The following LDLRAD4 variants were observed in gnomAD, a reference collection of about 807,000 sequenced individuals.
LDLRAD4 encodes low density lipoprotein receptor class A domain containing 4, also known as low-density lipoprotein receptor class A domain-containing protein 4.
Under a neutral mutation model 17.0 loss-of-function variants are expected in LDLRAD4, and 5 were observed. The ratio of observed to expected loss-of-function variants is 0.29; its 90% CI spans 0.15 to 0.62. The LOEUF (loss-of-function observed/expected upper bound fraction) is 0.62. Ranked by LOEUF, LDLRAD4 falls within the 20% of genes least tolerant of loss-of-function variation. The pLI is 0.84. For synonymous variants in LDLRAD4, 168 were observed against 171.8 expected (o/e 0.98, Z 0.17); for missense variants, 340 against 424.7 (o/e 0.80, Z 1.75).
At chr18:13,503,984 T>A (rs1324352949) in intron 3 of LDLRAD4, among the ~76,000 whole-genome samples, 1 of 152,178 alleles carries the variant, frequency 6.6e-6, no homozygotes, top group Admixed American at 6.5e-5. Context: ...GCCAGGCGCT[T>A]TGTAGAAATG....
At chr18:13,460,843 CAAAATA>C (rs2092390954) in intron 3 of LDLRAD4, among the ~76,000 whole-genome samples, 1 of 152,098 alleles carries the variant, frequency 6.6e-6, no homozygotes, top group African/African-American at 2.4e-5. Context: ...TGCTGAAGAG[CAAAATA>C]AAAATAAAAT....
chr18:13,414,254 A>C (rs1317703411), intron 2 of LDLRAD4, among the ~76,000 whole-genome samples: 1 of 152,196 alleles, frequency 6.6e-6, no homozygotes, highest in Non-Finnish European at 1.5e-5. Flanking sequence ...CTCCATCCCC[A>C]CCATTGCTTG....
intron 3 of LDLRAD4, among the ~76,000 whole-genome samples, chr18:13,533,387 G>A (rs138498420): frequency 6.6e-6 from 1 of 152,314 alleles, no homozygotes; most frequent in East Asian, 1.9e-4. Context: ...GCAATGAGCA[G>A]ATCTTTGGAC....
At chr18:13,231,420 C>T (rs138558091) in intron 1 of LDLRAD4, among the ~76,000 whole-genome samples, 111 of 152,268 alleles carry the variant, frequency 7.3e-4, no homozygotes, top group African/African-American at 2.6e-3. Flanking sequence ...CTGATTGCGG[C>T]CTGCCCGAGA....
chr18:13,645,944 C>T lies in LDLRAD4; in HGVS notation c.*287C>T, dbSNP rs77594431. The T allele has an allele frequency of 0.015, 4,424 of 298,534 alleles. 44 individuals carry two copies. Among genetic ancestry groups the T allele is most frequent in the Middle Eastern group, 0.028 (30 of 1,072 alleles). The allele number at this position is 298,534 out of a possible 1,614,324, so 18.5% of individuals were successfully genotyped here. ...CAGAGAACGGGATGCTTTGAAGATA[C>T]CATGAAATAAAACCCACAGAGGTAT... is the stretch of plus-strand genomic sequence containing the variant. On this transcript the variant is annotated 3_prime_UTR_variant, in exon 6 of 6. Transcript: ENST00000359446. This position sits in a 1 kb window ranked among gnomAD's most constrained non-coding sequence, Gnocchi z 5.7.
intron 4 of LDLRAD4, among the ~76,000 whole-genome samples, chr18:13,627,914 C>T (rs1214578091): frequency 6.6e-6 from 1 of 152,202 alleles, no homozygotes; most frequent in Non-Finnish European, 1.5e-5. Flanking sequence ...TCAGAACTCA[C>T]AGTGAGGGGA....
rs940338803 is a variant in LDLRAD4 at position 13,264,895 on chromosome 18, C to T, written c.-466-13210C>T. 2.6e-5 allele frequency among the ~76,000 whole-genome samples: 4 copies of T among 152,200 alleles called. No individual in the cohort carries two copies. In the East Asian group the frequency reaches 5.8e-4, roughly 22 times the overall value. ...CGAACCTGGAGGATTCGCAACTGGC[C>T]TATAAACAGACTCCAGTATTTCAAG... On this transcript the variant is annotated intron_variant, in intron 1 of 5. Coordinates refer to the LDLRAD4 transcript ENST00000399848.
At chr18:13,540,736 G>A (rs1464546328) in intron 3 of LDLRAD4, among the ~76,000 whole-genome samples, 5 of 152,198 alleles carry the variant, frequency 3.3e-5, no homozygotes, top group Admixed American at 1.3e-4. Context: ...GAAATTCCAC[G>A]CATGTTAGTT....
At chr18:13,364,342 A>AT (rs201628712) in intron 1 of LDLRAD4, among the ~76,000 whole-genome samples, 2,699 of 151,366 alleles carry the variant, frequency 0.018, 32 homozygotes, top group African/African-American at 0.035. Flanking sequence ...GTATTATTTG[A>AT]TTTTTTTTTA....
Position 13,245,220 on chromosome 18 carries a change from G to A in LDLRAD4, c.-467+26232G>A, listed in dbSNP as rs142685062. On this transcript the variant is annotated intron_variant, in intron 1 of 5. Transcript: ENST00000399848. Reference sequence around the variant, plus strand: ...GGACCCATGTGTACCTGGGCTGTACGGATGCATGTGTGACTTCATCCCAGC... The same window carrying A: ...GGACCCATGTGTACCTGGGCTGTACAGATGCATGTGTGACTTCATCCCAGC... Among the ~76,000 whole-genome samples the A allele has an allele frequency of 2.2e-4, 33 of 152,270 alleles. No homozygotes were observed. The East Asian group carries it at 2.3e-3, about 11-fold the overall frequency.
intron 1 of LDLRAD4, among the ~76,000 whole-genome samples, chr18:13,310,738 G>C (rs983085878): frequency 1.3e-5 from 2 of 152,154 alleles, no homozygotes; most frequent in Non-Finnish European, 2.9e-5. Context: ...GCATCAGTTT[G>C]GTTGTGTGCT....
At chr18:13,458,254 C>A (rs187675959) in intron 3 of LDLRAD4, among the ~76,000 whole-genome samples, 1 of 152,350 alleles carries the variant, frequency 6.6e-6, no homozygotes, top group Admixed American at 6.5e-5. Context: ...AAATGCCATT[C>A]ACGCAAAACA....
intron 4 of LDLRAD4, among the ~76,000 whole-genome samples, chr18:13,623,585 A>T (rs577741025): frequency 6.6e-6 from 1 of 152,344 alleles, no homozygotes; most frequent in African/African-American, 2.4e-5. Flanking sequence ...CACAAGATGC[A>T]TTCCAGCACG....
At chr18:13,408,924 A>G (rs776459418) in intron 2 of LDLRAD4, among the ~76,000 whole-genome samples, 2 of 151,880 alleles carry the variant, frequency 1.3e-5, no homozygotes, top group South Asian at 2.1e-4. Context: ...AATATGGGTT[A>G]CTTTTTAAGC....
At chr18:13,499,282 T>G (rs1262985550) in intron 3 of LDLRAD4, among the ~76,000 whole-genome samples, 1 of 136,048 alleles carries the variant, frequency 7.4e-6, no homozygotes, top group Non-Finnish European at 1.6e-5. Flanking sequence ...ACACACGTCC[T>G]TTCGTGGACA....
intron 1 of LDLRAD4, among the ~76,000 whole-genome samples, chr18:13,320,730 G>A (rs982557011): frequency 6.6e-6 from 1 of 152,212 alleles, no homozygotes; most frequent in Admixed American, 6.5e-5. Context: ...ATGGCAGGGT[G>A]GAGCCGGGGA....
rs149195888 is a variant in LDLRAD4 at position 13,359,474 on chromosome 18, T to C, written c.-382-27867T>C. Among the ~76,000 whole-genome samples the C allele has an allele frequency of 1.4e-4, 22 of 152,130 alleles. No homozygotes were observed. In the East Asian group the frequency reaches 4.2e-3, roughly 29 times the overall value. On this transcript the variant is annotated intron_variant, in intron 1 of 5. Transcript: ENST00000359446. ...ACAATGGAATGGGCTGCTTGTCACA[T>C]GATGTACTTCCGTGCCTTTACCATT...
chr18:13,402,775 GATAA>G (rs1012323746), intron 2 of LDLRAD4, among the ~76,000 whole-genome samples: 4 of 152,198 alleles, frequency 2.6e-5, no homozygotes. Context: ...AAGTTGAATG[GATAA>G]ATGTCAACCA....
At chr18:13,320,166 C>T (rs534570341) in intron 1 of LDLRAD4, among the ~76,000 whole-genome samples, 13 of 152,232 alleles carry the variant, frequency 8.5e-5, no homozygotes, top group African/African-American at 2.2e-4. Context: ...TTTTATACAT[C>T]GTTTCTGTTT....
Sources: gnomAD v4.1 joint callset for allele counts (sites outside exome capture counted in the v4.1 genomes callset) on GRCh38, gnomAD v4.1.1 for gene constraint, Gnocchi (gnomAD v3.1) non-coding constraint, MANE v1.5 for transcripts, NCBI Gene and HGNC (gene_info 2026-07-23, HGNC 2026-07-21) for gene names.